The following ATP10D variants were observed in gnomAD, a reference collection of about 807,000 sequenced individuals.
The protein encoded by ATP10D is ATPase phospholipid transporting 10D (putative).
ATP10D carries 89 observed loss-of-function variants against 144.8 expected under a neutral mutation model. That is an observed-to-expected ratio of 0.61 (90% CI 0.52 to 0.73). The LOEUF is 0.73. Ranked by LOEUF, ATP10D falls within the 30% of genes least tolerant of loss-of-function variation. The pLI, the probability that ATP10D is intolerant of heterozygous loss-of-function variation, is 0.00. For missense variants in ATP10D, 1,603 were observed against 1,714.8 expected, an observed-to-expected ratio of 0.93 and a Z score of 1.15; for synonymous variants, 571 against 615.1, an observed-to-expected ratio of 0.93 and a Z score of 1.06.
At chr4:47,531,942 A>C (rs939287863) in intron 5 of ATP10D, among the ~76,000 whole-genome samples, 5 of 152,198 alleles carry the variant, frequency 3.3e-5, no homozygotes, top group East Asian at 1.9e-4. Context: ...TGGAGCATAT[A>C]GCACTCTGCA....
chr4:47,487,836 TA>T (rs1375649310), intron 1 of ATP10D, among the ~76,000 whole-genome samples: 1 of 152,174 alleles, frequency 6.6e-6, no homozygotes, highest in Admixed American at 6.5e-5. Context: ...TACGTGGTAT[TA>T]TGTATTAAAA....
At chr4:47,574,443 T>C (rs1720119739) in intron 18 of ATP10D, among the ~76,000 whole-genome samples, 1 of 152,218 alleles carries the variant, frequency 6.6e-6, no homozygotes, top group Non-Finnish European at 1.5e-5. Context: ...GAGTAGCTTA[T>C]CTTTCTGAGA....
At chr4:47,512,221 A>G (rs1716372084) in intron 1 of ATP10D, among the ~76,000 whole-genome samples, 1 of 152,234 alleles carries the variant, frequency 6.6e-6, no homozygotes, top group Non-Finnish European at 1.5e-5. Context: ...AGAGAAGTTA[A>G]GAGACTTGCA....
Position 47,535,890 on chromosome 4 carries a change from C to T in ATP10D, c.884-12C>T, listed in dbSNP as rs374421003. 8 of 1,606,946 alleles carry T rather than the reference C, an allele frequency of 5.0e-6. No homozygotes were observed. The highest frequency in any genetic ancestry group is 4.0e-5 in the African/African-American group (3 of 74,518). Reference sequence around the variant, plus strand: ...TTTGTACATTTTCTATCATACTGCACATCCTTCATAGGCCATGAAACCAAA... The same window carrying T: ...TTTGTACATTTTCTATCATACTGCATATCCTTCATAGGCCATGAAACCAAA... On this transcript the variant is annotated splice_polypyrimidine_tract_variant and intron_variant, in intron 6 of 22. Transcript: ENST00000273859.
chr4:47,512,724 G>A lies in ATP10D; in HGVS notation c.184G>A (p.Asp62Asn), dbSNP rs533561156. 5 of 1,614,208 alleles carry A rather than the reference G, an allele frequency of 3.1e-6. No individual in the cohort carries two copies. The Admixed American group carries it at 8.3e-5, about 27-fold the overall frequency. ...TGTTCCCCACATCCAGCCCTTCAAGGATGAGTATGAGAAGTTCTCCGGAGC... is the reference window on the plus strand; with the variant it reads ...TGTTCCCCACATCCAGCCCTTCAAGAATGAGTATGAGAAGTTCTCCGGAGC... Reference protein sequence around the residue: ...IVVPHIQPFKDEYEKFSGAYV... With the variant: ...IVVPHIQPFKNEYEKFSGAYV... Residue 62 changes from aspartate (D) to asparagine (N), a missense_variant, in exon 2 of 23, where the codon GAT becomes AAT. Asp to Asn is a conservative substitution (Grantham distance 23). Transcript: ENST00000273859.
chr4:47,535,745 C>T, intron 6 of ATP10D, 130 bp downstream of exon 6: 1 of 1,319,120 alleles, frequency 7.6e-7, no homozygotes, highest in Admixed American at 2.7e-5. Context: ...TTATTGGTCT[C>T]TGTTTTTCTA....
intron 18 of ATP10D, among the ~76,000 whole-genome samples, chr4:47,574,359 G>A (rs578193767): frequency 4.7e-4 from 71 of 152,230 alleles, no homozygotes; most frequent in African/African-American, 1.7e-3. Context: ...AGACTTAATT[G>A]ATATCTCTTA....
At chr4:47,487,021 A>T (rs1239123626) in intron 1 of ATP10D, among the ~76,000 whole-genome samples, 1 of 152,278 alleles carries the variant, frequency 6.6e-6, no homozygotes, top group African/African-American at 2.4e-5. Flanking sequence ...ACCTGAGGTC[A>T]GGAGTTCGAG....
intron 1 of ATP10D, among the ~76,000 whole-genome samples, chr4:47,508,391 T>C (rs1716136147): frequency 6.6e-6 from 1 of 152,228 alleles, no homozygotes; most frequent in African/African-American, 2.4e-5. Context: ...CCTTGACTTA[T>C]CTGTGGCTTG....
chr4:47,577,953 G>C (rs1422252732), intron 19 of ATP10D, among the ~76,000 whole-genome samples: 1 of 152,206 alleles, frequency 6.6e-6, no homozygotes, highest in Non-Finnish European at 1.5e-5. Flanking sequence ...GGAGGGTTGA[G>C]GGAGATTTTC....
chr4:47,511,717 C>T (rs1209343169), intron 1 of ATP10D, among the ~76,000 whole-genome samples: 1 of 152,178 alleles, frequency 6.6e-6, no homozygotes, highest in Non-Finnish European at 1.5e-5. Flanking sequence ...GGGCTGAGCT[C>T]AGCTGAGACA....
chr4:47,544,954 A>C (rs1340915511), intron 9 of ATP10D, among the ~76,000 whole-genome samples: 1 of 152,214 alleles, frequency 6.6e-6, no homozygotes, highest in Non-Finnish European at 1.5e-5. Flanking sequence ...GAAAATATTC[A>C]CAAATATATT....
chr4:47,546,961 A>G, intron 10 of ATP10D, 99 bp downstream of exon 10: 2 of 1,162,496 alleles, frequency 1.7e-6, no homozygotes, highest in Admixed American at 4.2e-5. Context: ...TGTCTTTTCT[A>G]CCTTAGAAGA....
intron 1 of ATP10D, among the ~76,000 whole-genome samples, chr4:47,497,415 G>A (rs897177073): frequency 8.6e-5 from 13 of 151,858 alleles, no homozygotes; most frequent in African/African-American, 2.4e-4. Flanking sequence ...AGATTGCGCC[G>A]TTGCACTCCA....
chr4:47,546,341 G>A (rs1006041753), intron 9 of ATP10D, among the ~76,000 whole-genome samples: 1 of 152,162 alleles, frequency 6.6e-6, no homozygotes, highest in Non-Finnish European at 1.5e-5. Context: ...CTGAAACAGA[G>A]ATGCTTTGTC....
Position 47,512,676 on chromosome 4 carries a change from C to T in ATP10D, c.136C>T (p.Leu46=), listed in dbSNP as rs751215298. The T allele has an allele frequency of 2.5e-6, 4 of 1,614,182 alleles. No homozygotes were observed. Among genetic ancestry groups the T allele is most frequent in the Non-Finnish European group, 3.4e-6 (4 of 1,180,036 alleles). Reference sequence around the variant, plus strand: ...GCGCAAGTCCTCTCAGACCCCTAAACTGTCAGGAAGGCACCGGATTGTTGT... The same window carrying T: ...GCGCAAGTCCTCTCAGACCCCTAAATTGTCAGGAAGGCACCGGATTGTTGT... The part of the protein sequence containing the change: ...CGRKSSQTPK[L]SGRHRIVVPH... The change falls in exon 2 of 23, where the codon CTG becomes TTG. Residue 46 remains leucine (L), a synonymous_variant. Transcript: ENST00000273859.
chr4:47,564,252 A>G lies in ATP10D; in HGVS notation c.2853+487A>G, dbSNP rs74795000. On this transcript the variant is annotated intron_variant, in intron 15 of 22. Coordinates refer to ENST00000273859, the MANE Select transcript of ATP10D (RefSeq NM_020453.4). ...AGAAACCTACCTTGTGCTTGGAAGG[A>G]TGTCTATTCTTCTAAAGGCCTGATG... Among the ~76,000 whole-genome samples, 1,394 of 152,214 alleles carry G rather than the reference A, an allele frequency of 9.2e-3. 20 individuals carry two copies. The highest frequency in any genetic ancestry group is 0.032 in the African/African-American group (1,322 of 41,516).
intron 1 of ATP10D, among the ~76,000 whole-genome samples, chr4:47,496,417 A>G (rs970785610): frequency 2.0e-5 from 3 of 151,780 alleles, no homozygotes; most frequent in Non-Finnish European, 4.4e-5. Context: ...TCAGCCTCCC[A>G]AAGTGCTGGG....
chr4:47,519,212 A>G (rs1716827114), intron 3 of ATP10D, among the ~76,000 whole-genome samples: 2 of 152,176 alleles, frequency 1.3e-5, no homozygotes, highest in Admixed American at 1.3e-4. Context: ...CCCACCCTTC[A>G]TTCTTACTTC....
Sources: allele counts gnomAD v4.1 joint callset (sites outside exome capture counted in the v4.1 genomes callset), GRCh38; gene constraint gnomAD v4.1.1; transcripts MANE v1.5; gene names NCBI Gene and HGNC (gene_info 2026-07-23, HGNC 2026-07-21).